The following DPYD variants were observed in gnomAD, a reference collection of about 807,000 sequenced individuals.
The protein encoded by DPYD is dihydropyrimidine dehydrogenase.
A neutral mutation model predicts 116.2 loss-of-function variants in DPYD; 109 were observed. The ratio of observed to expected loss-of-function variants is 0.94; its 90% CI spans 0.80 to 1.10. DPYD has a LOEUF of 1.10. Among genes scored for constraint, DPYD ranks in the 50% least tolerant of loss-of-function variants. The pLI is 0.00. For missense variants in DPYD, 1,302 were observed against 1,254.5 expected, an observed-to-expected ratio of 1.04 and a Z score of -0.57; for synonymous variants, 440 against 432.0, an observed-to-expected ratio of 1.02 and a Z score of -0.23.
rs548820700 is a variant in DPYD, at chr1:97,872,778, A to T, written c.150+10486T>A. Among the ~76,000 whole-genome samples the T allele has an allele frequency of 3.3e-5, 5 of 152,002 alleles. No homozygotes were observed. The East Asian group carries it at 9.7e-4, about 30-fold the overall frequency. On this transcript the variant is annotated intron_variant, in intron 2 of 22. Transcript: ENST00000370192. ...ACTTTTCGAGAAAAAAATATTTATC[A>T]TCATCATCATTGTCACTACTCTGTG...
At chr1:97,871,952 C>T (rs1209691875) in intron 2 of DPYD, among the ~76,000 whole-genome samples, 1 of 151,822 alleles carries the variant, frequency 6.6e-6, no homozygotes, top group African/African-American at 2.4e-5. Flanking sequence ...ATACTATGCA[C>T]ATTGACTCAT....
At chr1:97,656,817 T>A (rs1025860507) in intron 8 of DPYD, among the ~76,000 whole-genome samples, 2 of 149,120 alleles carry the variant, frequency 1.3e-5, no homozygotes, top group Non-Finnish European at 2.9e-5. Context: ...AGGAATTTTT[T>A]ATTTTTTTTT....
chr1:97,847,880 T>C (rs1309097170), intron 2 of DPYD, among the ~76,000 whole-genome samples: 1 of 152,148 alleles, frequency 6.6e-6, no homozygotes, highest in African/African-American at 2.4e-5. Flanking sequence ...GCTTACTCTG[T>C]CATACACAAG....
chr1:97,507,994 A>G (rs1345303055), intron 13 of DPYD, among the ~76,000 whole-genome samples: 1 of 151,986 alleles, frequency 6.6e-6, no homozygotes, highest in Non-Finnish European at 1.5e-5. Flanking sequence ...TTAGAATACT[A>G]TAATTATTCA....
At chr1:97,840,931 C>T (rs1670006437) in intron 2 of DPYD, among the ~76,000 whole-genome samples, 1 of 152,158 alleles carries the variant, frequency 6.6e-6, no homozygotes, top group Middle Eastern at 3.4e-3. Context: ...GCTCTTCTGA[C>T]CTTCACTGGA....
At chr1:97,772,229 T>C (rs1481379007) in intron 3 of DPYD, among the ~76,000 whole-genome samples, 1 of 152,218 alleles carries the variant, frequency 6.6e-6, no homozygotes, top group African/African-American at 2.4e-5. Flanking sequence ...ATTCAATAAC[T>C]ACTTCTTGAG....
At chr1:97,377,593 C>T (rs933967999) in intron 15 of DPYD, among the ~76,000 whole-genome samples, 2 of 152,196 alleles carry the variant, frequency 1.3e-5, no homozygotes, top group African/African-American at 4.8e-5. Flanking sequence ...CTCTGAACCA[C>T]TTTATAAAAA....
chr1:97,460,604 C>G (rs955897785), intron 13 of DPYD, among the ~76,000 whole-genome samples: 4 of 152,148 alleles, frequency 2.6e-5, no homozygotes, highest in African/African-American at 9.7e-5. Context: ...ATCTCTTGTT[C>G]TTTCTTTCCT....
At chr1:97,664,714 A>T (rs1044414944) in intron 8 of DPYD, among the ~76,000 whole-genome samples, 2 of 151,974 alleles carry the variant, frequency 1.3e-5, no homozygotes, top group African/African-American at 4.8e-5. Context: ...CTGCTTTCTG[A>T]TCCTACAGAA....
At chr1:97,354,892 T>C (rs1670345727) in intron 16 of DPYD, among the ~76,000 whole-genome samples, 3 of 152,292 alleles carry the variant, frequency 2.0e-5, no homozygotes, top group East Asian at 1.9e-4. Flanking sequence ...GGAGAATCAA[T>C]GGGGAACAAG....
chr1:97,854,543 C>T (rs1211523958), intron 2 of DPYD, among the ~76,000 whole-genome samples: 1 of 152,200 alleles, frequency 6.6e-6, no homozygotes, highest in Admixed American at 6.5e-5. Context: ...AGATTCTGAA[C>T]ACTAGCATGT....
chr1:97,492,883 A>G (rs1197606114), intron 13 of DPYD, among the ~76,000 whole-genome samples: 1 of 152,172 alleles, frequency 6.6e-6, no homozygotes, highest in Non-Finnish European at 1.5e-5. Flanking sequence ...ATTCTAAAAA[A>G]TCAATAATTT....
intron 16 of DPYD, among the ~76,000 whole-genome samples, chr1:97,351,083 G>GC (rs1387480917): frequency 6.6e-6 from 1 of 152,132 alleles, no homozygotes; most frequent in Non-Finnish European, 1.5e-5. Context: ...CTCTAAGGAA[G>GC]CAAGTGTCCC....
intron 10 of DPYD, among the ~76,000 whole-genome samples, chr1:97,576,270 A>G (rs1298827503): frequency 6.6e-6 from 1 of 152,212 alleles, no homozygotes; most frequent in Non-Finnish European, 1.5e-5. Flanking sequence ...ACTTGACTGA[A>G]TAACAACTCC....
chr1:97,870,066 T>C (rs1044132099), intron 2 of DPYD, among the ~76,000 whole-genome samples: 3 of 151,874 alleles, frequency 2.0e-5, no homozygotes, highest in Non-Finnish European at 2.9e-5. Flanking sequence ...TGGAGCTCCA[T>C]ATTCAAATAT....
intron 1 of DPYD, among the ~76,000 whole-genome samples, chr1:97,902,580 C>G (rs1324113014): frequency 6.6e-6 from 1 of 151,774 alleles, no homozygotes; most frequent in East Asian, 1.9e-4. Context: ...TTATTCATCT[C>G]AAAGATATGT....
chr1:97,114,056 T>C (rs1480852158), intron 20 of DPYD, among the ~76,000 whole-genome samples: 2 of 152,120 alleles, frequency 1.3e-5, no homozygotes, highest in Non-Finnish European at 2.9e-5. Flanking sequence ...TCATCATTCC[T>C]AAAACCCTAT....
chr1:97,119,986 C>T (rs1056426211), intron 20 of DPYD, among the ~76,000 whole-genome samples: 3 of 152,066 alleles, frequency 2.0e-5, no homozygotes, highest in East Asian at 1.9e-4. Flanking sequence ...AACGAAGACC[C>T]GCAGATGGTC....
intron 20 of DPYD, among the ~76,000 whole-genome samples, chr1:97,160,612 C>T (rs1655820658): frequency 6.6e-6 from 1 of 152,014 alleles, no homozygotes; most frequent in South Asian, 2.1e-4. Flanking sequence ...GGTTTAAAAT[C>T]AATTACAATT....
Sources: gnomAD v4.1 joint callset for allele counts (sites outside exome capture counted in the v4.1 genomes callset) on GRCh38, gnomAD v4.1.1 for gene constraint, MANE v1.5 for transcripts, NCBI Gene and HGNC (gene_info 2026-07-23, HGNC 2026-07-21) for gene names.